The following ZFHX3 variants were observed in gnomAD, a reference collection of about 807,000 sequenced individuals.
The protein encoded by ZFHX3 is zinc finger homeobox protein 3.
A neutral mutation model predicts 279.1 loss-of-function variants in ZFHX3; 42 were observed. The ratio of observed to expected loss-of-function variants is 0.15; its 90% CI spans 0.12 to 0.19. ZFHX3 has a LOEUF of 0.19. Ranked by LOEUF, ZFHX3 falls within the 10% of genes least tolerant of loss-of-function variation. The probability of loss-of-function intolerance (pLI) is 1.00; values close to 1 mark genes in which losing one functional copy is unlikely to be tolerated. For synonymous variants in ZFHX3, 2,293 were observed against 1,957.8 expected (o/e 1.17, Z -4.52); for missense variants, 4,981 against 4,754.0 (o/e 1.05, Z -1.40).
intron 3 of ZFHX3, among the ~76,000 whole-genome samples, chr16:73,337,867 T>A (rs1180743996): frequency 7.6e-6 from 1 of 131,304 alleles, no homozygotes; most frequent in Non-Finnish European, 1.6e-5. Flanking sequence ...TTTTCCAATT[T>A]CAATAAGTCT....
At chr16:73,253,007 G>C (rs890453316) in intron 5 of ZFHX3, among the ~76,000 whole-genome samples, 1 of 152,204 alleles carries the variant, frequency 6.6e-6, no homozygotes, top group Non-Finnish European at 1.5e-5. Flanking sequence ...ACCTCCAGCT[G>C]TCTTTGCACC....
intron 5 of ZFHX3, among the ~76,000 whole-genome samples, chr16:73,214,362 G>A (rs1033131156): frequency 6.6e-6 from 1 of 152,116 alleles, no homozygotes; most frequent in African/African-American, 2.4e-5. Context: ...TGTATTTCCA[G>A]CCCTACAGTG....
At chr16:73,028,857 A>T (rs1964601059) in intron 1 of ZFHX3, among the ~76,000 whole-genome samples, 1 of 152,236 alleles carries the variant, frequency 6.6e-6, no homozygotes, top group African/African-American at 2.4e-5. Flanking sequence ...GTGAGCAGGG[A>T]AACCTTTTCG....
At chr16:73,442,677 C>T (rs1420442283) in intron 3 of ZFHX3, among the ~76,000 whole-genome samples, 1 of 152,120 alleles carries the variant, frequency 6.6e-6, no homozygotes, top group East Asian at 1.9e-4. Flanking sequence ...GTAGCTGACC[C>T]ACCTCAGGGC....
intron 1 of ZFHX3, among the ~76,000 whole-genome samples, chr16:73,033,829 A>G (rs1964798880): frequency 6.6e-6 from 1 of 152,220 alleles, no homozygotes. Context: ...GGGAACAGCA[A>G]TGGCAAAGGA....
At chr16:73,758,208 T>C (rs2053830334) in intron 1 of ZFHX3, among the ~76,000 whole-genome samples, 1 of 151,424 alleles carries the variant, frequency 6.6e-6, no homozygotes, top group Non-Finnish European at 1.5e-5. Context: ...AGATTTCTAA[T>C]GGTGGGAACT....
chr16:73,587,696 C>G (rs1361347301), intron 2 of ZFHX3, among the ~76,000 whole-genome samples: 5 of 151,986 alleles, frequency 3.3e-5, no homozygotes, highest in African/African-American at 1.2e-4. Flanking sequence ...GAAAACATAC[C>G]CAATAGAGAA....
chr16:73,274,357 T>G (rs183702546), intron 4 of ZFHX3, among the ~76,000 whole-genome samples: 1 of 152,360 alleles, frequency 6.6e-6, no homozygotes, highest in East Asian at 1.9e-4. Context: ...TCTTTATTGG[T>G]TTGTATACAG....
chr16:73,081,973 AC>A (rs2144766616), intron 8 of ZFHX3, among the ~76,000 whole-genome samples: 2 of 151,636 alleles, frequency 1.3e-5, no homozygotes, highest in South Asian at 4.2e-4. Flanking sequence ...GGTAGCTGAG[AC>A]TACAGGTGTG....
At chr16:73,868,604 T>C (rs1962089659) in intron 1 of ZFHX3, among the ~76,000 whole-genome samples, 1 of 152,194 alleles carries the variant, frequency 6.6e-6, no homozygotes, top group South Asian at 2.1e-4. Flanking sequence ...CTCTGAAAGT[T>C]GTATGCTGTG....
intron 5 of ZFHX3, among the ~76,000 whole-genome samples, chr16:73,207,230 G>A (rs1304374301): frequency 6.6e-6 from 1 of 152,108 alleles, no homozygotes; most frequent in African/African-American, 2.4e-5. Context: ...GAGCCAGCAA[G>A]CACTAGACGA....
intron 1 of ZFHX3, among the ~76,000 whole-genome samples, chr16:73,716,987 T>G (rs1034629845): frequency 2.0e-5 from 3 of 152,136 alleles, no homozygotes; most frequent in African/African-American, 7.2e-5. Context: ...CCTTGCCATA[T>G]GAAAGAATGT....
chr16:73,677,777 TCTC>T (rs1432621375), intron 2 of ZFHX3, among the ~76,000 whole-genome samples: 3 of 151,766 alleles, frequency 2.0e-5, no homozygotes, highest in African/African-American at 7.3e-5. Context: ...TCAAACAACT[TCTC>T]CTCCTAAACA....
intron 1 of ZFHX3, among the ~76,000 whole-genome samples, chr16:73,713,326 T>C (rs1037869934): frequency 1.3e-5 from 2 of 152,218 alleles, no homozygotes; most frequent in African/African-American, 4.8e-5. Context: ...TTTTCTCCAT[T>C]AGCAAGTCCT....
At chr16:73,303,203 A>T (rs1443901832) in intron 4 of ZFHX3, among the ~76,000 whole-genome samples, 1 of 151,916 alleles carries the variant, frequency 6.6e-6, no homozygotes, top group Non-Finnish European at 1.5e-5. Context: ...GAAGTTTTAA[A>T]TTTTATTAGG....
chr16:73,064,899 T>C (rs532542613), intron 8 of ZFHX3, among the ~76,000 whole-genome samples: 2 of 152,332 alleles, frequency 1.3e-5, no homozygotes, highest in South Asian at 4.1e-4. Context: ...GACTTCCCTT[T>C]TGGTGACCTG....
At chr16:73,183,790 G>C (rs1439967945) in intron 5 of ZFHX3, among the ~76,000 whole-genome samples, 1 of 152,072 alleles carries the variant, frequency 6.6e-6, no homozygotes, top group Non-Finnish European at 1.5e-5. Context: ...TTTGGAGATG[G>C]GGAGAAATTA....
chr16:73,459,758 G>T (rs1029222716), intron 2 of ZFHX3, among the ~76,000 whole-genome samples: 1 of 152,092 alleles, frequency 6.6e-6, no homozygotes, highest in Non-Finnish European at 1.5e-5. Context: ...GGGAAGCAAG[G>T]CGCCTTCCTC....
chr16:73,261,668 G>GTTTTTTTTTTTTTTTT (rs1187489542), intron 4 of ZFHX3, among the ~76,000 whole-genome samples: 3 of 80,702 alleles, frequency 3.7e-5, no homozygotes, highest in African/African-American at 9.5e-5. Flanking sequence ...TCCTGTGATT[G>GTTTTTTTTTTTTTTTT]TTTTTTTTTT....
Sources: allele counts gnomAD v4.1 joint callset (sites outside exome capture counted in the v4.1 genomes callset), GRCh38; gene constraint gnomAD v4.1.1; transcripts MANE v1.5; gene names NCBI Gene and HGNC (gene_info 2026-07-23, HGNC 2026-07-21).